SLCO1B1: variants seen among roughly 807,000 people sequenced by gnomAD.
SLCO1B1 encodes solute carrier organic anion transporter family member 1B1, also known as OATP-2.
SLCO1B1 carries 81 observed loss-of-function variants against 70.1 expected under a neutral mutation model. The ratio of observed to expected loss-of-function variants is 1.16; its 90% CI spans 0.97 to 1.39. The LOEUF is 1.39. Among genes scored for constraint, SLCO1B1 ranks in the 40% most tolerant of loss-of-function variants. The probability of loss-of-function intolerance (pLI) is 0.00; values close to 1 mark genes in which losing one functional copy is unlikely to be tolerated. For missense variants in SLCO1B1, 895 were observed against 799.6 expected (o/e 1.12, Z -1.44); for synonymous variants, 283 against 271.5 (o/e 1.04, Z -0.42).
chr12:21,166,480 T>C (rs1940687707), intron 2 of SLCO1B1, among the ~76,000 whole-genome samples: 1 of 152,084 alleles, frequency 6.6e-6, no homozygotes, highest in Admixed American at 6.6e-5. Context: ...GAGGATGATA[T>C]CTGAACAGAT....
chr12:21,137,884 G>T (rs1313531734), intron 1 of SLCO1B1, among the ~76,000 whole-genome samples: 1 of 152,138 alleles, frequency 6.6e-6, no homozygotes, highest in Non-Finnish European at 1.5e-5. Flanking sequence ...AGATGAACCC[G>T]GTACCTCAGT....
chr12:21,236,315 C>A (rs927048476), intron 14 of SLCO1B1, among the ~76,000 whole-genome samples: 8 of 152,200 alleles, frequency 5.3e-5, no homozygotes, highest in Non-Finnish European at 1.0e-4. Context: ...AGTCCACTGA[C>A]CCCTGTGCCT....
chr12:21,164,969 C>T (rs919450248), intron 2 of SLCO1B1: 7 of 386,400 alleles, frequency 1.8e-5, no homozygotes, highest in Admixed American at 3.1e-5. Context: ...GTTTTTACTG[C>T]CCTTGTTCCT....
At chr12:21,168,590 TG>T (rs1450186073) in intron 2 of SLCO1B1, among the ~76,000 whole-genome samples, 1 of 152,212 alleles carries the variant, frequency 6.6e-6, no homozygotes, top group Non-Finnish European at 1.5e-5. Context: ...CTGATGGTTG[TG>T]GGGTGATATC....
chr12:21,151,948 A>T (rs1940475726), intron 2 of SLCO1B1, among the ~76,000 whole-genome samples: 2 of 151,616 alleles, frequency 1.3e-5, no homozygotes, highest in South Asian at 4.2e-4. Flanking sequence ...ATTTGGGGAA[A>T]TTCTCGGTTG....
intron 1 of SLCO1B1, among the ~76,000 whole-genome samples, chr12:21,137,561 C>G (rs1481231197): frequency 1.3e-5 from 2 of 152,196 alleles, no homozygotes; most frequent in African/African-American, 4.8e-5. Context: ...CCCAGCCTCG[C>G]TGCCACCTTG....
intron 2 of SLCO1B1, among the ~76,000 whole-genome samples, chr12:21,158,928 A>G (rs1277425902): frequency 6.6e-6 from 1 of 152,190 alleles, no homozygotes; most frequent in Non-Finnish European, 1.5e-5. Flanking sequence ...TCTTTTCCAA[A>G]GTAAAAAGAA....
intron 1 of SLCO1B1, among the ~76,000 whole-genome samples, chr12:21,139,650 T>C (rs976727271): frequency 1.3e-5 from 2 of 152,152 alleles, no homozygotes; most frequent in South Asian, 2.1e-4. Context: ...GTCTATTCAC[T>C]AAAATTCCTT....
chr12:21,170,853 G>T (rs1490812575), intron 2 of SLCO1B1, among the ~76,000 whole-genome samples: 1 of 152,144 alleles, frequency 6.6e-6, no homozygotes, highest in Admixed American at 6.5e-5. Context: ...CATTTTGTCG[G>T]CTATCAAAGA....
chr12:21,200,228 A>G (rs1484168181), intron 8 of SLCO1B1, among the ~76,000 whole-genome samples: 3 of 152,222 alleles, frequency 2.0e-5, no homozygotes, highest in African/African-American at 2.4e-5. Flanking sequence ...AGGATAACCA[A>G]ATATTAAGTG....
intron 11 of SLCO1B1, among the ~76,000 whole-genome samples, chr12:21,214,992 C>G (rs975994264): frequency 6.6e-6 from 1 of 152,108 alleles, no homozygotes; most frequent in African/African-American, 2.4e-5. Context: ...GAACCCGGTA[C>G]CTCAGATGGA....
intron 2 of SLCO1B1, among the ~76,000 whole-genome samples, chr12:21,158,396 G>T (rs1373355381): frequency 6.6e-6 from 1 of 152,040 alleles, no homozygotes; most frequent in African/African-American, 2.4e-5. Flanking sequence ...TTTTTCAAAG[G>T]TAAAAATTTC....
chr12:21,139,542 T>C (rs796188255), intron 1 of SLCO1B1, among the ~76,000 whole-genome samples: 1 of 152,112 alleles, frequency 6.6e-6, no homozygotes, highest in South Asian at 2.1e-4. Flanking sequence ...ATTATATATA[T>C]TTATATTATT....
At chr12:21,141,726 G>A (rs747325797) in intron 2 of SLCO1B1, 68 bp downstream of exon 2, 8 of 939,812 alleles carry the variant, frequency 8.5e-6, no homozygotes, top group African/African-American at 5.0e-5. Flanking sequence ...AGAAAAGCAA[G>A]TTGTTAAAAA....
intron 2 of SLCO1B1, among the ~76,000 whole-genome samples, chr12:21,153,535 A>T (rs1433668586): frequency 1.3e-5 from 2 of 152,130 alleles, no homozygotes; most frequent in African/African-American, 2.4e-5. Flanking sequence ...TGATGTACTT[A>T]ATAAAAATGC....
chr12:21,160,106 TA>T lies in SLCO1B1; in HGVS notation c.85-12524del, dbSNP rs56102570. The stretch of plus-strand genomic sequence containing the variant: ...CTACCAGCAATATTCTTCACAGAAC[TA>T]AAAAAAAAAAAAAAAAAAACTATTT... On this transcript the variant is annotated intron_variant, in intron 2 of 14. Transcript: ENST00000256958. 7.9e-3 allele frequency among the ~76,000 whole-genome samples: 882 copies of T among 111,942 alleles called. 5 individuals are homozygous for T. The highest frequency in any genetic ancestry group is 0.022 in the African/African-American group (630 of 28,290). The allele number at this position is 111,942 out of a possible 152,430, so 73.4% of individuals were successfully genotyped here.
chr12:21,178,928 T>G lies in SLCO1B1; in HGVS notation c.635T>G (p.Leu212Trp). ...EGHSSLYLGI[L>W]NAIAMIGPII... ...TGCTTTATAATATTTTCAGGTATAT[T>G]GAATGCAATAGCAATGATTGGTCCA... Residue 212 changes from leucine to tryptophan, a missense_variant, in exon 7 of 15, where the codon TTG (leucine) becomes TGG (tryptophan). Coordinates refer to ENST00000256958, the MANE Select transcript of SLCO1B1 (RefSeq NM_006446.5). 6.2e-7 allele frequency: 1 copy of G among 1,606,238 alleles called. No individual in the cohort carries two copies. Among genetic ancestry groups the G allele is most frequent in the Non-Finnish European group, 8.5e-7 (1 of 1,173,466 alleles).
At chr12:21,131,678 T>A (rs1467512025) in intron 1 of SLCO1B1, among the ~76,000 whole-genome samples, 4 of 142,568 alleles carry the variant, frequency 2.8e-5, no homozygotes, top group African/African-American at 9.9e-5. Context: ...AAGAGTTAAT[T>A]GGCAAACATA....
At chr12:21,131,312 T>G (rs1940129612) in intron 1 of SLCO1B1, 76 bp downstream of exon 1, 1 of 152,086 alleles carries the variant, frequency 6.6e-6, no homozygotes, top group African/African-American at 2.4e-5. Context: ...ATTTTGATGG[T>G]CTTGAAAAAT....
Sources: gnomAD v4.1 joint callset for allele counts (sites outside exome capture counted in the v4.1 genomes callset) on GRCh38, gnomAD v4.1.1 for gene constraint, MANE v1.5 for transcripts, NCBI Gene and HGNC (gene_info 2026-07-23, HGNC 2026-07-21) for gene names.